TLE3: variants seen among roughly 807,000 people sequenced by gnomAD.
TLE3 encodes transducin-like enhancer protein 3.
Under a neutral mutation model 93.0 loss-of-function variants are expected in TLE3, and 14 were observed. The observed-to-expected ratio is 0.15, with a 90% CI of 0.10 to 0.24. TLE3 has a LOEUF of 0.24. TLE3 is among the 10% of genes least tolerant of loss of function. The probability of loss-of-function intolerance (pLI) is 1.00; values close to 1 mark genes in which losing one functional copy is unlikely to be tolerated. For missense variants in TLE3, 693 were observed against 1,046.6 expected (o/e 0.66, Z 4.66); for synonymous variants, 451 against 425.0 (o/e 1.06, Z -0.75).
intron 3 of TLE3, among the ~76,000 whole-genome samples, chr15:70,095,034 T>C (rs562999538): frequency 8.5e-4 from 130 of 152,240 alleles, no homozygotes; most frequent in African/African-American, 2.8e-3. Flanking sequence ...TGCCCCAGCG[T>C]GGAGAAGATA....
chr15:70,057,395 G>A (rs941986459), intron 13 of TLE3, 64 bp downstream of exon 13: 122 of 1,515,248 alleles, frequency 8.1e-5, no homozygotes, highest in African/African-American at 7.5e-4. Flanking sequence ...GGGAGCACCC[G>A]TCCAACCACT....
chr15:70,097,628 C>A lies in TLE3; in HGVS notation c.-830G>T, dbSNP rs2058622941. The stretch of plus-strand genomic sequence containing the variant: ...CGCGTCCCCACCGAGGAGCGCTCAG[C>A]GCCACCGCCGCTGCCGCGTCGGAGC... On this transcript the variant is annotated 5_prime_UTR_variant, in exon 1 of 20. Coordinates refer to ENST00000451782, the MANE Select transcript of TLE3 (RefSeq NM_001105192.3). 5.0e-6 allele frequency: 2 copies of A among 398,276 alleles called. No homozygotes were observed. Among genetic ancestry groups the A allele is most frequent in the Non-Finnish European group, 8.9e-6 (2 of 225,760 alleles). 24.7% of individuals were successfully genotyped at this position (398,276 alleles called of 1,614,324 possible).
At position 70,096,229 on chromosome 15, in the gene TLE3, T is replaced by C. The variant is rs563260082; in HGVS notation, c.57A>G (p.Lys19=). 2.6e-6 allele frequency: 4 copies of C among 1,558,648 alleles called. No homozygotes were observed. The highest frequency in any genetic ancestry group is 1.7e-4 in the Middle Eastern group (1 of 6,006). ...APHQPGQPGF[K]FTVAESCDRI... The stretch of plus-strand genomic sequence containing the variant: ...TGTCACAAGACTCAGCCACCGTGAA[T>C]TTAAATCCCGGCTGCCCGGGTTGAT... Residue 19 remains lysine (K), a synonymous_variant, in exon 2 of 20, where the codon AAA becomes AAG. Coordinates refer to ENST00000451782, the MANE Select transcript of TLE3 (RefSeq NM_001105192.3).
At chr15:70,052,068 G>T (rs561513503) in intron 18 of TLE3, among the ~76,000 whole-genome samples, 2 of 152,216 alleles carry the variant, frequency 1.3e-5, no homozygotes, top group African/African-American at 4.8e-5. Context: ...GCAAGTGGTT[G>T]TAACCATGGA....
chr15:70,065,979 G>GCCCCCCCCCCCCCCCCACCCCCCC, intron 7 of TLE3, 35 bp downstream of exon 7: 1 of 1,089,102 alleles, frequency 9.2e-7, no homozygotes, highest in Non-Finnish European at 1.4e-6. Context: ...GCCCACCCCT[G>GCCCCCCCCCCCCCCCCACCCCCCC]CCCCGCCCCA....
chr15:70,090,203 A>T (rs2058244376), intron 4 of TLE3, among the ~76,000 whole-genome samples: 1 of 151,552 alleles, frequency 6.6e-6, no homozygotes, highest in South Asian at 2.1e-4. Context: ...TGAGCGAGGC[A>T]GGCACCCACT....
At position 70,097,641 on chromosome 15, in the gene TLE3, G is replaced by T. The variant is rs973460287; in HGVS notation, c.-843C>A. 2.5e-6 allele frequency: 1 copy of T among 398,156 alleles called. No homozygotes were observed. The highest frequency in any genetic ancestry group is 4.4e-6 in the Non-Finnish European group (1 of 225,736). The allele number at this position is 398,156 out of a possible 1,614,324, so 24.7% of individuals were successfully genotyped here. ...AGGAGCGCTCAGCGCCACCGCCGCT[G>T]CCGCGTCGGAGCGCACAGGCAGGAG... On this transcript the variant is annotated 5_prime_UTR_variant, in exon 1 of 20. Transcript: ENST00000451782.
intron 4 of TLE3, among the ~76,000 whole-genome samples, chr15:70,092,703 G>A (rs766371588): frequency 3.9e-5 from 6 of 152,148 alleles, no homozygotes; most frequent in Non-Finnish European, 8.8e-5. Flanking sequence ...CACCAAATGC[G>A]TTAAGATATT....
chr15:70,059,510 C>A, intron 9 of TLE3, 50 bp from the exon 10 acceptor site: 1 of 1,565,662 alleles, frequency 6.4e-7, no homozygotes, highest in Non-Finnish European at 8.7e-7. Flanking sequence ...ACACTTTCCC[C>A]ACCCCTGACT....
intron 4 of TLE3, among the ~76,000 whole-genome samples, chr15:70,080,063 GAA>G (rs35291213): frequency 0.37 from 53,840 of 143,970 alleles, 10,399 homozygotes; most frequent in Middle Eastern, 0.58. Flanking sequence ...TCCAAAAAAG[GAA>G]AAAAAAAAAA....
chr15:70,096,927 C>A lies in TLE3; in HGVS notation c.-129G>T. The stretch of plus-strand genomic sequence containing the variant: ...AACCGAGAGCTCGCCCCCGGCCCCC[C>A]CAGCTCGTTCTCGCAGCGAAATCCC... On this transcript the variant is annotated 5_prime_UTR_variant, in exon 1 of 20. Coordinates refer to ENST00000451782, the MANE Select transcript of TLE3 (RefSeq NM_001105192.3). The A allele has an allele frequency of 9.6e-7, 1 of 1,046,184 alleles. No individual in the cohort carries two copies. The highest frequency in any genetic ancestry group is 1.4e-6 in the Non-Finnish European group (1 of 708,754). 64.8% of individuals were successfully genotyped at this position (1,046,184 alleles called of 1,614,324 possible). A position where few individuals can be genotyped will look rare whatever the true frequency, so the allele number is the denominator to read the frequency against.
At chr15:70,086,881 CT>C (rs2058062084) in intron 4 of TLE3, among the ~76,000 whole-genome samples, 1 of 146,036 alleles carries the variant, frequency 6.8e-6, no homozygotes, top group Non-Finnish European at 1.6e-5. Flanking sequence ...CCTTCTTCCC[CT>C]TTTGCACTTA....
At chr15:70,050,250 A>G (rs1300745084) in intron 19 of TLE3, 46 bp from the exon 20 acceptor site, 2 of 1,462,030 alleles carry the variant, frequency 1.4e-6, no homozygotes, top group African/African-American at 1.4e-5. Context: ...CGTGGGGTGC[A>G]GGGAGAAAAA....
At chr15:70,091,242 C>T (rs909033482) in intron 4 of TLE3, among the ~76,000 whole-genome samples, 1 of 152,216 alleles carries the variant, frequency 6.6e-6, no homozygotes, top group African/African-American at 2.4e-5. Context: ...ACGACACTGC[C>T]CCAAAATCAA....
intron 4 of TLE3, among the ~76,000 whole-genome samples, chr15:70,086,869 T>A (rs1467539678): frequency 6.7e-6 from 1 of 149,700 alleles, no homozygotes; most frequent in Non-Finnish European, 1.5e-5. Flanking sequence ...ACCCCCACCC[T>A]GCCTTCTTCC....
At chr15:70,096,449 G>C in intron 1 of TLE3, 188 bp from the exon 2 acceptor site, 4 of 1,203,682 alleles carry the variant, frequency 3.3e-6, no homozygotes, top group Non-Finnish European at 2.3e-6. Flanking sequence ...TCGGCAGCGG[G>C]GCTCCCATGC....
At chr15:70,063,727 G>T (rs545479155) in intron 8 of TLE3, among the ~76,000 whole-genome samples, 88 of 152,342 alleles carry the variant, frequency 5.8e-4, no homozygotes, top group African/African-American at 2.0e-3. Context: ...TATTCAGAAG[G>T]CTTATTCACT....
chr15:70,054,740 G>C, intron 15 of TLE3, 55 bp from the exon 16 acceptor site: 1 of 1,498,918 alleles, frequency 6.7e-7, no homozygotes, highest in Non-Finnish European at 8.9e-7. Flanking sequence ...CTGGGCACCA[G>C]GAGAGTCCTG....
intron 4 of TLE3, among the ~76,000 whole-genome samples, chr15:70,081,562 G>A (rs1191690152): frequency 6.6e-6 from 1 of 152,236 alleles, no homozygotes; most frequent in South Asian, 2.1e-4. Context: ...TGATTCAAAA[G>A]GGAAGACTGG....
Sources: allele counts gnomAD v4.1 joint callset (sites outside exome capture counted in the v4.1 genomes callset), GRCh38; gene constraint gnomAD v4.1.1; transcripts MANE v1.5; gene names NCBI Gene and HGNC (gene_info 2026-07-23, HGNC 2026-07-21).